PCDHGA12: variants seen among roughly 807,000 people sequenced by gnomAD.
PCDHGA12 encodes the protein protocadherin gamma-A12.
Under a neutral mutation model 61.1 loss-of-function variants are expected in PCDHGA12, and 43 were observed. The ratio of observed to expected loss-of-function variants is 0.70; its 90% CI spans 0.55 to 0.91. PCDHGA12 has a LOEUF of 0.91. Among genes scored for constraint, PCDHGA12 ranks in the 40% least tolerant of loss-of-function variants. PCDHGA12 has a pLI of 0.00. For synonymous variants in PCDHGA12, 520 were observed against 542.9 expected (o/e 0.96, Z 0.59); for missense variants, 1,236 against 1,227.7 (o/e 1.01, Z -0.10).
intron 1 of PCDHGA12, among the ~76,000 whole-genome samples, chr5:141,446,777 C>CTT (rs1480571336): frequency 1.3e-5 from 2 of 152,072 alleles, no homozygotes; most frequent in Non-Finnish European, 2.9e-5. Flanking sequence ...GGTTACCATT[C>CTT]TTTTACTCTG....
intron 1 of PCDHGA12, among the ~76,000 whole-genome samples, chr5:141,460,135 T>G (rs2098983196): frequency 6.6e-6 from 1 of 152,044 alleles, no homozygotes; most frequent in South Asian, 2.1e-4. Flanking sequence ...ATATATATAT[T>G]CTTGATGTGA....
chr5:141,493,206 C>A lies in PCDHGA12; in HGVS notation c.2425-1601C>A, dbSNP rs191090598. Among the ~76,000 whole-genome samples the A allele has an allele frequency of 2.4e-3, 368 of 152,322 alleles. 2 individuals carry two copies. Among genetic ancestry groups the A allele is most frequent in the Admixed American group, 4.5e-3 (69 of 15,296 alleles). On this transcript the variant is annotated intron_variant, in intron 1 of 3. Transcript: ENST00000252085. This position sits in a 1 kb window ranked among gnomAD's most constrained non-coding sequence, Gnocchi z 4.3. ...TATAACTCCTTTGAGAACCTCATCT[C>A]ATTTGCTCTTCCCACCATTGCTGTT...
chr5:141,500,084 C>T (rs1354544132), intron 2 of PCDHGA12, among the ~76,000 whole-genome samples: 1 of 152,030 alleles, frequency 6.6e-6, no homozygotes, highest in Non-Finnish European at 1.5e-5. Flanking sequence ...CCTCCATCTT[C>T]CATTTTTGCA....
intron 1 of PCDHGA12, among the ~76,000 whole-genome samples, chr5:141,469,061 G>C (rs960166489): frequency 1.3e-5 from 2 of 152,010 alleles, no homozygotes; most frequent in African/African-American, 4.8e-5. Flanking sequence ...AGGATTGCTT[G>C]AGCCTAGGAG....
chr5:141,455,006 G>A (rs1194194759), intron 1 of PCDHGA12, among the ~76,000 whole-genome samples: 2 of 150,910 alleles, frequency 1.3e-5, no homozygotes, highest in Non-Finnish European at 3.0e-5. Flanking sequence ...TAGAGACGGG[G>A]TTTCACCGTG....
rs750139205 is a variant in PCDHGA12 at position 141,489,738 on chromosome 5, T to C, written c.2425-5069T>C. Reference sequence around the variant, plus strand: ...AGGATCCGGATGTGGGCACCAATACTGTGAGCTTTTACACTCTAAGCCCCA... The same window carrying C: ...AGGATCCGGATGTGGGCACCAATACCGTGAGCTTTTACACTCTAAGCCCCA... On this transcript the variant is annotated intron_variant, in intron 1 of 3. Coordinates refer to ENST00000252085, the MANE Select transcript of PCDHGA12 (RefSeq NM_003735.3). This position sits in a 1 kb window ranked among gnomAD's most constrained non-coding sequence, Gnocchi z 4.5. 1 of 1,614,168 alleles carries C rather than the reference T, an allele frequency of 6.2e-7. No individual in the cohort carries two copies. Among genetic ancestry groups the C allele is most frequent in the Non-Finnish European group, 8.5e-7 (1 of 1,180,030 alleles).
At chr5:141,500,699 A>G (rs780869966) in intron 2 of PCDHGA12, among the ~76,000 whole-genome samples, 1 of 152,156 alleles carries the variant, frequency 6.6e-6, no homozygotes, top group Non-Finnish European at 1.5e-5. Context: ...TCTTCTTTGC[A>G]GTGTATCATG....
In PCDHGA12 at chr5:141,459,352, C is replaced by T. The variant is rs111826527; in HGVS notation, c.2424+26169C>T. On this transcript the variant is annotated intron_variant, in intron 1 of 3. Coordinates refer to ENST00000252085, the MANE Select transcript of PCDHGA12 (RefSeq NM_003735.3). Reference sequence around the variant, plus strand: ...TACTCCAAAGTTCTTGAAATTCATTCATGTTCCTGTGTGTATCAGCAGCGT... The same window carrying T: ...TACTCCAAAGTTCTTGAAATTCATTTATGTTCCTGTGTGTATCAGCAGCGT... 1.4e-4 allele frequency among the ~76,000 whole-genome samples: 21 copies of T among 152,304 alleles called. No homozygotes were observed. The East Asian group carries it at 3.7e-3, about 27-fold the overall frequency.
chr5:141,434,768 T>C (rs6580188), intron 1 of PCDHGA12, among the ~76,000 whole-genome samples: 81,499 of 151,296 alleles, frequency 0.54, 23,977 homozygotes, highest in African/African-American at 0.79. Context: ...CACTTCACAC[T>C]TCTAAAAAAA....
intron 1 of PCDHGA12, among the ~76,000 whole-genome samples, chr5:141,455,172 G>GT (rs1344126228): frequency 3.3e-5 from 5 of 150,340 alleles, no homozygotes; most frequent in South Asian, 4.2e-4. Context: ...TTTTTTTTTA[G>GT]TTTTTTTATT....
In PCDHGA12 at chr5:141,485,031, C is replaced by A; in HGVS notation, c.2425-9776C>A. On this transcript the variant is annotated intron_variant, in intron 1 of 3. Coordinates refer to ENST00000252085, the MANE Select transcript of PCDHGA12 (RefSeq NM_003735.3). The surrounding 1 kb of genome is among the most constrained non-coding windows in gnomAD (Gnocchi z 5.7). Reference sequence around the variant, plus strand: ...TACCCCGCCACCAGCAAAAACGGCGCGTAACCCTTGCGGCGCCGGCCGAAC... The same window carrying A: ...TACCCCGCCACCAGCAAAAACGGCGAGTAACCCTTGCGGCGCCGGCCGAAC... The A allele has an allele frequency of 1.5e-6, 1 of 680,514 alleles. No homozygotes were observed. Among genetic ancestry groups the A allele is most frequent in the South Asian group, 1.8e-5 (1 of 54,868 alleles). 42.2% of individuals were successfully genotyped at this position (680,514 alleles called of 1,614,324 possible). A position where few individuals can be genotyped will look rare whatever the true frequency, so the allele number is the denominator to read the frequency against.
chr5:141,486,714 C>G lies in PCDHGA12; in HGVS notation c.2425-8093C>G. On this transcript the variant is annotated intron_variant, in intron 1 of 3. Transcript: ENST00000252085. This position sits in a 1 kb window ranked among gnomAD's most constrained non-coding sequence, Gnocchi z 5.0. ...TCTTTCATCTCTCTGAACCCCCAGA[C>G]AGGAGCTGTTCATGCTACTCGATCC... 1.2e-6 allele frequency: 2 copies of G among 1,614,216 alleles called. No individual in the cohort carries two copies. Among genetic ancestry groups the G allele is most frequent in the African/African-American group, 1.3e-5 (1 of 75,062 alleles).
intron 1 of PCDHGA12, among the ~76,000 whole-genome samples, chr5:141,450,682 T>C (rs112841569): frequency 0.042 from 6,384 of 151,996 alleles, 168 homozygotes; most frequent in Middle Eastern, 0.086. Context: ...AAACGGGGTT[T>C]TGCCATGTTG....
chr5:141,502,238 T>C (rs2099813398), intron 2 of PCDHGA12, among the ~76,000 whole-genome samples: 1 of 152,204 alleles, frequency 6.6e-6, no homozygotes, highest in Admixed American at 6.5e-5. Flanking sequence ...TGTGTTCTTT[T>C]ATCCTTTTTT....
At position 141,432,032 on chromosome 5, in the gene PCDHGA12, A is replaced by G; in HGVS notation, c.1273A>G (p.Thr425Ala). The change falls in exon 1 of 4, where the codon ACT (threonine) becomes GCT (alanine). Residue 425 changes from threonine (T) to alanine (A), a missense_variant. Thr to Ala is a moderately conservative substitution (Grantham distance 58). Coordinates refer to ENST00000252085, the MANE Select transcript of PCDHGA12 (RefSeq NM_003735.3). The surrounding 1 kb of genome is among the most constrained non-coding windows in gnomAD (Gnocchi z 6.0). Reference protein sequence around the residue: ...VPSYNITVTATDRGTPPLSTE... With the variant: ...VPSYNITVTAADRGTPPLSTE... ...TAGCTACAACATCACAGTGACCGCC[A>G]CTGACCGGGGAACCCCGCCCCTATC... 2 of 1,614,242 alleles carry G rather than the reference A, an allele frequency of 1.2e-6. No homozygotes were observed. Among genetic ancestry groups the G allele is most frequent in the South Asian group, 1.1e-5 (1 of 91,086 alleles).
rs1248714579 is a variant in PCDHGA12 at position 141,489,513 on chromosome 5, C to A, written c.2425-5294C>A. The A allele has an allele frequency of 6.2e-7, 1 of 1,614,000 alleles. No homozygotes were observed. Among genetic ancestry groups the A allele is most frequent in the African/African-American group, 1.3e-5 (1 of 74,918 alleles). ...CCCTGGCAGTGAATCAAAAGATTGACCGAGAAAGCCTATGTGGAGCCAGCA... is the reference window on the plus strand; with the variant it reads ...CCCTGGCAGTGAATCAAAAGATTGAACGAGAAAGCCTATGTGGAGCCAGCA... On this transcript the variant is annotated intron_variant, in intron 1 of 3. Coordinates refer to ENST00000252085, the MANE Select transcript of PCDHGA12 (RefSeq NM_003735.3). The surrounding 1 kb of genome is among the most constrained non-coding windows in gnomAD (Gnocchi z 4.5).
chr5:141,447,056 G>A (rs1452688256), intron 1 of PCDHGA12, among the ~76,000 whole-genome samples: 1 of 152,058 alleles, frequency 6.6e-6, no homozygotes, highest in Non-Finnish European at 1.5e-5. Flanking sequence ...CTATTAAAAT[G>A]TGTCAGGCTG....
In PCDHGA12 at chr5:141,430,905, C is replaced by T; in HGVS notation, c.146C>T (p.Ser49Phe). Residue 49 changes from serine (S) to phenylalanine (F), a missense_variant, in exon 1 of 4, where the codon TCC (serine) becomes TTC (phenylalanine). Coordinates refer to ENST00000252085, the MANE Select transcript of PCDHGA12 (RefSeq NM_003735.3). ...LEKGSRVGDI[S>F]RDLGLEPREL... is the part of the protein sequence containing the mutation. ...AAAGGCTCTAGGGTGGGCGACATCTCCAGGGACCTGGGGCTGGAGCCCCGG... is the reference window on the plus strand; with the variant it reads ...AAAGGCTCTAGGGTGGGCGACATCTTCAGGGACCTGGGGCTGGAGCCCCGG... The T allele has an allele frequency of 6.2e-7, 1 of 1,606,922 alleles. No individual in the cohort carries two copies. Among genetic ancestry groups the T allele is most frequent in the Non-Finnish European group, 8.5e-7 (1 of 1,177,212 alleles).
chr5:141,506,280 C>CT (rs1455257972), intron 3 of PCDHGA12, among the ~76,000 whole-genome samples: 1 of 152,024 alleles, frequency 6.6e-6, no homozygotes, highest in Non-Finnish European at 1.5e-5. Flanking sequence ...GAAACCCTGT[C>CT]TCTACTAAAA....
Sources: gnomAD v4.1 joint callset for allele counts (sites outside exome capture counted in the v4.1 genomes callset) on GRCh38, gnomAD v4.1.1 for gene constraint, Gnocchi (gnomAD v3.1) non-coding constraint, MANE v1.5 for transcripts, NCBI Gene and HGNC (gene_info 2026-07-23, HGNC 2026-07-21) for gene names.